Variants in CACNA2D4 observed in about 807,000 individuals in gnomAD.
CACNA2D4 encodes the protein calcium voltage-gated channel auxiliary subunit alpha2delta 4.
A neutral mutation model predicts 163.8 loss-of-function variants in CACNA2D4; 157 were observed. The observed-to-expected ratio is 0.96, with a 90% CI of 0.84 to 1.09. The LOEUF is 1.09. Ranked by LOEUF, CACNA2D4 falls within the 50% of genes least tolerant of loss-of-function variation. CACNA2D4 has a pLI of 0.00. For synonymous variants in CACNA2D4, 598 were observed against 586.9 expected (o/e 1.02, Z -0.27); for missense variants, 1,410 against 1,479.9 (o/e 0.95, Z 0.78).
At position 1,918,276 on chromosome 12, in the gene CACNA2D4, C is replaced by G. The variant is rs745890420; in HGVS notation, c.198G>C (p.Ala66=). The part of the protein sequence containing the change: ...LLLLGTSLSP[A]WGQAKIPLET... ...CCAGAGGAATCTTGGCCTGTCCCCA[C>G]GCAGGGGACAGGGAGGTGCCTAGAA... is the stretch of plus-strand genomic sequence containing the variant. Residue 66 remains alanine (A), a synonymous_variant, in exon 1 of 38, where the codon GCG becomes GCC. Coordinates refer to ENST00000382722, the MANE Select transcript of CACNA2D4 (RefSeq NM_172364.5). 4 of 1,605,728 alleles carry G rather than the reference C, an allele frequency of 2.5e-6. No individual in the cohort carries two copies. Among genetic ancestry groups the G allele is most frequent in the Non-Finnish European group, 3.4e-6 (4 of 1,176,412 alleles).
Position 1,918,463 on chromosome 12 carries a change from C to A in CACNA2D4, c.11G>T (p.Gly4Val). Residue 4 changes from glycine to valine, a missense_variant, in exon 1 of 38, where the codon GGC becomes GTC. Gly to Val is a moderately radical substitution (Grantham distance 109). Transcript: ENST00000382722. Reference protein sequence around the residue: MVCGCSALLPLPNP... With the variant: MVCVCSALLPLPNP... ...GGGGAGGGGAAGGAGGGCAGAGCAGCCACAGACCATGAGCTCTGTCTGCCT... is the reference window on the plus strand; with the variant it reads ...GGGGAGGGGAAGGAGGGCAGAGCAGACACAGACCATGAGCTCTGTCTGCCT... 1 of 1,565,422 alleles carries A rather than the reference C, an allele frequency of 6.4e-7. No homozygotes were observed. The highest frequency in any genetic ancestry group is 1.9e-4 in the Middle Eastern group (1 of 5,252).
chr12:1,904,132 C>G (rs1255040049), intron 6 of CACNA2D4, among the ~76,000 whole-genome samples: 1 of 151,966 alleles, frequency 6.6e-6, no homozygotes, highest in Non-Finnish European at 1.5e-5. Context: ...CATAAAGAAA[C>G]TTCACGTCGC....
intron 29 of CACNA2D4, among the ~76,000 whole-genome samples, chr12:1,805,143 C>T (rs1009816192): frequency 2.0e-5 from 3 of 152,130 alleles, no homozygotes; most frequent in Non-Finnish European, 2.9e-5. Context: ...GGCCCGTGGG[C>T]TGCCTGAACT....
At position 1,810,189 on chromosome 12, in the gene CACNA2D4, G is replaced by A. The variant is rs377465576; in HGVS notation, c.2721+89C>T. The A allele has an allele frequency of 3.3e-5, 37 of 1,115,294 alleles. No individual in the cohort carries two copies. The East Asian group carries it at 5.0e-4, about 15-fold the overall frequency. The allele number at this position is 1,115,294 out of a possible 1,614,324, so 69.1% of individuals were successfully genotyped here. ...CCGAACAGGGTTCCCTCCTGGGGCC[G>A]TGGGGCTCTCTTTAGCTGGAGTGGC... On this transcript the variant is annotated intron_variant, in intron 29 of 37. Coordinates refer to ENST00000382722, the MANE Select transcript of CACNA2D4 (RefSeq NM_172364.5).
intron 6 of CACNA2D4, among the ~76,000 whole-genome samples, chr12:1,896,640 C>A (rs11519557): frequency 0.014 from 1,585 of 113,002 alleles, 22 homozygotes; most frequent in Non-Finnish European, 0.021. Flanking sequence ...CACACACACA[C>A]ACACACACAC....
intron 6 of CACNA2D4, among the ~76,000 whole-genome samples, chr12:1,906,300 A>C (rs1048458143): frequency 6.6e-6 from 1 of 152,232 alleles, no homozygotes; most frequent in Non-Finnish European, 1.5e-5. Flanking sequence ...AAGAAAACAA[A>C]AGATAAAATA....
chr12:1,856,280 T>A, intron 20 of CACNA2D4, 51 bp from the exon 21 acceptor site: 1 of 1,582,406 alleles, frequency 6.3e-7, no homozygotes, highest in Non-Finnish European at 8.7e-7. Flanking sequence ...GCCATGAGGG[T>A]GTGTGTCTCA....
Position 1,915,209 on chromosome 12 carries a change from T to A in CACNA2D4, c.228-274A>T, listed in dbSNP as rs759704207. ...AAAGAGCACCTGTCCCTCCTCCTTG[T>A]CCCTAAAGCTACAGCCATGGCCTGG... On this transcript the variant is annotated intron_variant, in intron 1 of 37. Transcript: ENST00000382722. 8 of 702,622 alleles carry A rather than the reference T, an allele frequency of 1.1e-5. No individual in the cohort carries two copies. In the South Asian group the frequency reaches 1.2e-4, roughly 10 times the overall value. 43.5% of individuals were successfully genotyped at this position (702,622 alleles called of 1,614,324 possible). A position where few individuals can be genotyped will look rare whatever the true frequency, so the allele number is the denominator to read the frequency against.
At position 1,875,938 on chromosome 12, in the gene CACNA2D4, C is replaced by T. The variant is rs12312103; in HGVS notation, c.1720-601G>A. Among the ~76,000 whole-genome samples, 9,637 of 152,272 alleles carry T rather than the reference C, an allele frequency of 0.063. 791 individuals are homozygous for T. Among genetic ancestry groups the T allele is most frequent in the East Asian group, 0.42 (2,179 of 5,170 alleles). ...GTGGGCTGTGATCTGTGCACTAAGG[C>T]GTCAGGGGGCCCTGACTGCTGCCTG... On this transcript the variant is annotated intron_variant, in intron 16 of 37. Coordinates refer to ENST00000382722, the MANE Select transcript of CACNA2D4 (RefSeq NM_172364.5). The surrounding 1 kb of genome is among the most constrained non-coding windows in gnomAD (Gnocchi z 4.0).
At chr12:1,904,268 A>C (rs1866604543) in intron 6 of CACNA2D4, among the ~76,000 whole-genome samples, 1 of 152,068 alleles carries the variant, frequency 6.6e-6, no homozygotes, top group Admixed American at 6.6e-5. Flanking sequence ...TAATGGGTAC[A>C]AAGAATAGAA....
chr12:1,909,260 C>T (rs1314715377), intron 4 of CACNA2D4, among the ~76,000 whole-genome samples: 2 of 152,222 alleles, frequency 1.3e-5, no homozygotes, highest in African/African-American at 4.8e-5. Flanking sequence ...GGCGCGATCT[C>T]GGCTCACTGC....
In CACNA2D4 at chr12:1,907,460, C is replaced by A. The variant is rs763468551; in HGVS notation, c.761G>T (p.Gly254Val). The change falls in exon 6 of 38, where the codon GGA becomes GTA. Residue 254 changes from glycine (G) to valine (V), a missense_variant. Physicochemically the swap from Gly to Val is moderately radical, Grantham distance 109 (BLOSUM62 -3). Coordinates refer to ENST00000382722, the MANE Select transcript of CACNA2D4 (RefSeq NM_172364.5). Reference protein sequence around the residue: ...LTWQYFGSATGFFRIYPGIKW... With the variant: ...LTWQYFGSATVFFRIYPGIKW... ...CTTACCTGGATAGATCCTGAAGAAT[C>A]CAGTTGCACTGCCAAAATATTGCCA... 8 of 1,613,958 alleles carry A rather than the reference C, an allele frequency of 5.0e-6. No homozygotes were observed. The highest frequency in any genetic ancestry group is 6.8e-6 in the Non-Finnish European group (8 of 1,179,882).
chr12:1,857,307 G>A (rs572824658), intron 20 of CACNA2D4, among the ~76,000 whole-genome samples: 2 of 152,350 alleles, frequency 1.3e-5, no homozygotes, highest in Admixed American at 1.3e-4. Flanking sequence ...GGGCCTGAGA[G>A]TGGGTCAAAG....
intron 18 of CACNA2D4, among the ~76,000 whole-genome samples, chr12:1,867,896 G>A (rs1865689520): frequency 6.6e-6 from 1 of 152,130 alleles, no homozygotes; most frequent in African/African-American, 2.4e-5. Flanking sequence ...TCAGAGAAAT[G>A]CAAACCCAAA....
At chr12:1,908,462 C>T (rs908223374) in intron 4 of CACNA2D4, among the ~76,000 whole-genome samples, 4 of 152,206 alleles carry the variant, frequency 2.6e-5, no homozygotes, top group African/African-American at 9.7e-5. Context: ...GCAGCCTTGG[C>T]CTCAGACGGG....
chr12:1,816,470 C>A (rs1863875430), intron 26 of CACNA2D4, among the ~76,000 whole-genome samples: 1 of 151,726 alleles, frequency 6.6e-6, no homozygotes, highest in South Asian at 2.1e-4. Flanking sequence ...CCCCAGCTGA[C>A]CTGGGTCCCT....
intron 26 of CACNA2D4, among the ~76,000 whole-genome samples, chr12:1,830,439 G>T (rs1389531334): frequency 6.6e-6 from 1 of 152,240 alleles, no homozygotes; most frequent in African/African-American, 2.4e-5. Flanking sequence ...AGAGGGGAGG[G>T]AGCCAGCAGC....
intron 16 of CACNA2D4, among the ~76,000 whole-genome samples, chr12:1,877,054 A>G (rs1414344934): frequency 2.0e-5 from 3 of 152,066 alleles, no homozygotes; most frequent in East Asian, 3.8e-4. Context: ...TGGCTTTGCT[A>G]TATCTTTTGT....
At chr12:1,888,636 AG>A (rs1866208213) in intron 6 of CACNA2D4, among the ~76,000 whole-genome samples, 1 of 152,240 alleles carries the variant, frequency 6.6e-6, no homozygotes, top group South Asian at 2.1e-4. Context: ...AAAAATGTAT[AG>A]GTTGAAAAAA....
Sources: allele counts gnomAD v4.1 joint callset (sites outside exome capture counted in the v4.1 genomes callset), GRCh38; gene constraint gnomAD v4.1.1; non-coding constraint Gnocchi (gnomAD v3.1); transcripts MANE v1.5; gene names NCBI Gene and HGNC (gene_info 2026-07-23, HGNC 2026-07-21).